Variants in AGAP4 observed in about 807,000 individuals in gnomAD.
AGAP4 encodes the protein arf-GAP with GTPase, ANK repeat and PH domain-containing protein 4.
A neutral mutation model predicts 60.7 loss-of-function variants in AGAP4; 13 were observed. The observed-to-expected ratio is 0.21, with a 90% CI of 0.14 to 0.34. The LOEUF is 0.34. AGAP4 is among the 10% of genes least tolerant of loss of function. AGAP4 has a pLI of 1.00. For synonymous variants in AGAP4, 70 were observed against 339.0 expected (o/e 0.21, Z 8.72); for missense variants, 169 against 884.0 (o/e 0.19, Z 10.26).
rs1306542120 is a variant in AGAP4 at position 45,829,855 on chromosome 10, G to A, written c.533+1539C>T. On this transcript the variant is annotated intron_variant, in intron 6 of 7. Coordinates refer to ENST00000616763, the MANE Select transcript of AGAP4 (RefSeq NM_001276343.3). ...TGGCAGCTTTTCAATACTTAAAGGC[G>A]TGTTAAAGAAAGATTGGTGGTTAAA... 1.6e-4 allele frequency among the ~76,000 whole-genome samples: 24 copies of A among 150,542 alleles called. 1 individual carries two copies. The South Asian group carries it at 1.7e-3, about 11-fold the overall frequency.
At chr10:45,849,398 G>T (rs1431939756), upstream of AGAP4, among the ~76,000 whole-genome samples, 2 of 151,502 alleles carry the variant, frequency 1.3e-5, no homozygotes, top group Non-Finnish European at 2.9e-5. Context: ...GTGGGGGCAT[G>T]GCAAAACCAT....
intron 3 of AGAP4, among the ~76,000 whole-genome samples, chr10:45,843,830 C>T (rs1172630918): frequency 1.3e-5 from 2 of 149,008 alleles, no homozygotes; most frequent in Non-Finnish European, 2.9e-5. Context: ...TTTTGAGTAG[C>T]GTAAACTTGG....
At chr10:45,850,015 C>T (rs2059064107), upstream of AGAP4, among the ~76,000 whole-genome samples, 2 of 151,430 alleles carry the variant, frequency 1.3e-5, no homozygotes, top group Non-Finnish European at 1.5e-5. Flanking sequence ...CCTCCACCTC[C>T]TGGGTCCAGG....
chr10:45,850,839 T>C (rs1406392407), upstream of AGAP4, among the ~76,000 whole-genome samples: 1 of 151,954 alleles, frequency 6.6e-6, no homozygotes, highest in African/African-American at 2.4e-5. Context: ...TTACTCTCAG[T>C]GTCACATTAA....
At chr10:45,853,950 T>G, upstream of AGAP4, 1 of 1,153,980 alleles carries the variant, frequency 8.7e-7, no homozygotes, top group East Asian at 6.1e-5. Context: ...TATGTTTATC[T>G]CTGGGGATGG....
chr10:45,847,551 G>A (rs1214817443), upstream of AGAP4: 22 of 1,446,572 alleles, frequency 1.5e-5, no homozygotes, highest in African/African-American at 4.5e-5. Context: ...GCCAAGGCCC[G>A]CACCCTGCTG....
chr10:45,836,935 T>A (rs2058828019), intron 4 of AGAP4, among the ~76,000 whole-genome samples: 1 of 150,210 alleles, frequency 6.7e-6, no homozygotes, highest in Non-Finnish European at 1.5e-5. Flanking sequence ...GTGGTGATCT[T>A]GGCTCACTGC....
In AGAP4 at chr10:45,826,927, G is replaced by A. The variant is rs532922509; in HGVS notation, c.1049C>T (p.Ser350Leu). Residue 350 changes from serine (S) to leucine (L), a missense_variant, in exon 8 of 8, where the codon TCG becomes TTG. Coordinates refer to ENST00000616763, the MANE Select transcript of AGAP4 (RefSeq NM_001276343.3). ...VPGKWPSLAT[S>L]ACTPISTSKS... ...AGAGGTGGAGATGGGTGTGCAGGCC[G>A]ATGTGGCTAGGGATGGCCACTTTCC... 96 of 1,366,106 alleles carry A rather than the reference G, an allele frequency of 7.0e-5. 15 individuals carry two copies. Among genetic ancestry groups the A allele is most frequent in the East Asian group, 2.8e-4 (12 of 42,110 alleles). The allele number at this position is 1,366,106 out of a possible 1,614,324, so 84.6% of individuals were successfully genotyped here.
At chr10:45,854,644 A>C (rs2059119876), upstream of AGAP4, 2 of 149,760 alleles carry the variant, frequency 1.3e-5, no homozygotes, top group Non-Finnish European at 3.0e-5. Context: ...AAAAAAAAAA[A>C]AAAAAAAAAA....
chr10:45,849,248 C>T (rs2059049451), upstream of AGAP4, among the ~76,000 whole-genome samples: 1 of 151,242 alleles, frequency 6.6e-6, no homozygotes, highest in African/African-American at 2.4e-5. Context: ...AAAACAAAAC[C>T]CTATAAGATC....
chr10:45,838,132 T>C (rs1308348509), intron 4 of AGAP4, among the ~76,000 whole-genome samples: 2 of 149,658 alleles, frequency 1.3e-5, no homozygotes, highest in Non-Finnish European at 2.9e-5. Flanking sequence ...AGGAATAAAT[T>C]CATGGCATTC....
intron 2 of AGAP4, among the ~76,000 whole-genome samples, chr10:45,846,475 G>C (rs1185438655): frequency 1.3e-5 from 2 of 151,806 alleles, no homozygotes; most frequent in African/African-American, 4.9e-5. Flanking sequence ...GAACTGTCTT[G>C]AGATTTGGCT....
intron 4 of AGAP4, among the ~76,000 whole-genome samples, chr10:45,839,380 C>T (rs2058881116): frequency 8.7e-6 from 1 of 115,178 alleles, no homozygotes; most frequent in South Asian, 5.0e-4. Flanking sequence ...TAACTAGAGC[C>T]CCAAGTCCAC....
chr10:45,849,473 G>GATGATGAATATT (rs1554900083), upstream of AGAP4, among the ~76,000 whole-genome samples: 10 of 145,086 alleles, frequency 6.9e-5, no homozygotes, highest in Non-Finnish European at 9.1e-5. Context: ...TGATGATGAT[G>GATGATGAATATT]ATTATTATTA....
chr10:45,832,703 G>A (rs1359583919), intron 5 of AGAP4, among the ~76,000 whole-genome samples: 9 of 144,694 alleles, frequency 6.2e-5, no homozygotes, highest in East Asian at 2.0e-4. Context: ...AGATACATGT[G>A]TTTGCAGACT....
chr10:45,844,031 A>T (rs1323204713), intron 3 of AGAP4, among the ~76,000 whole-genome samples: 2 of 150,434 alleles, frequency 1.3e-5, no homozygotes, highest in Admixed American at 1.3e-4. Context: ...GAATCCATTA[A>T]TTATAAATAA....
upstream of AGAP4, among the ~76,000 whole-genome samples, chr10:45,849,552 A>G (rs2059056826): frequency 6.6e-6 from 1 of 150,892 alleles, no homozygotes; most frequent in South Asian, 2.1e-4. Flanking sequence ...CTCTAATTTC[A>G]TTTTCAGATT....
chr10:45,839,548 C>T (rs1343542044), intron 4 of AGAP4, among the ~76,000 whole-genome samples: 1 of 129,422 alleles, frequency 7.7e-6, no homozygotes, highest in African/African-American at 2.8e-5. Flanking sequence ...TCTGCTTTTC[C>T]TTTCCAGGCC....
At chr10:45,851,761 A>C (rs1185072925), upstream of AGAP4, among the ~76,000 whole-genome samples, 1 of 151,920 alleles carries the variant, frequency 6.6e-6, no homozygotes, top group South Asian at 2.1e-4. Context: ...GAAGGGCCCC[A>C]AAAGGCACAG....
Sources: allele counts gnomAD v4.1 joint callset (sites outside exome capture counted in the v4.1 genomes callset), GRCh38; gene constraint gnomAD v4.1.1; transcripts MANE v1.5; gene names NCBI Gene and HGNC (gene_info 2026-07-23, HGNC 2026-07-21).